EYA1: variants seen among roughly 807,000 people sequenced by gnomAD.
EYA1 encodes the protein EYA transcriptional coactivator and phosphatase 1, also known as protein phosphatase EYA1.
Under a neutral mutation model 82.0 loss-of-function variants are expected in EYA1, and 16 were observed. The observed-to-expected ratio is 0.20, with a 90% CI of 0.13 to 0.30. The LOEUF (loss-of-function observed/expected upper bound fraction) is 0.30, where lower values mean the gene tolerates loss of function less well. Among genes scored for constraint, EYA1 ranks in the 10% least tolerant of loss-of-function variants. The probability of loss-of-function intolerance (pLI) is 1.00; values close to 1 mark genes in which losing one functional copy is unlikely to be tolerated. For missense variants in EYA1, 633 were observed against 730.7 expected (o/e 0.87, Z 1.54); for synonymous variants, 261 against 264.4 (o/e 0.99, Z 0.12).
chr8:71,317,050 T>C (rs1822000407), intron 7 of EYA1, among the ~76,000 whole-genome samples: 1 of 152,216 alleles, frequency 6.6e-6, no homozygotes, highest in African/African-American at 2.4e-5. Flanking sequence ...GTAAATCTGA[T>C]CAAGCTGTTC....
At chr8:71,295,099 G>C (rs1819457883) in intron 9 of EYA1, among the ~76,000 whole-genome samples, 1 of 152,180 alleles carries the variant, frequency 6.6e-6, no homozygotes, top group Non-Finnish European at 1.5e-5. Flanking sequence ...AAATGTGTCA[G>C]AGAACTAGAT....
At chr8:71,280,050 A>C (rs541077928) in intron 9 of EYA1, among the ~76,000 whole-genome samples, 2 of 152,294 alleles carry the variant, frequency 1.3e-5, no homozygotes, top group African/African-American at 4.8e-5. Context: ...AGAACTATAC[A>C]TCTTGTGAGT....
At chr8:71,234,416 T>C (rs1811585437) in intron 12 of EYA1, among the ~76,000 whole-genome samples, 1 of 152,156 alleles carries the variant, frequency 6.6e-6, no homozygotes, top group Non-Finnish European at 1.5e-5. Flanking sequence ...ATCTGGCTGA[T>C]GTCTTCCACT....
chr8:71,512,811 G>T (rs997925178), intron 2 of EYA1, among the ~76,000 whole-genome samples: 1 of 151,936 alleles, frequency 6.6e-6, no homozygotes, highest in Non-Finnish European at 1.5e-5. Context: ...GATTAATAAA[G>T]TTTTCTTAGT....
At chr8:71,246,572 A>G (rs1813122899) in intron 11 of EYA1, among the ~76,000 whole-genome samples, 1 of 152,176 alleles carries the variant, frequency 6.6e-6, no homozygotes, top group African/African-American at 2.4e-5. Context: ...GGAAGTGGCA[A>G]GAAGTGGTGA....
intron 2 of EYA1, among the ~76,000 whole-genome samples, chr8:71,494,810 C>T (rs114674009): frequency 0.01 from 1,535 of 151,942 alleles, 21 homozygotes; most frequent in African/African-American, 0.035. Context: ...CTGAATTAAC[C>T]ATGAGAAACA....
At chr8:71,362,455 A>AC (rs1827491483), upstream of EYA1, among the ~76,000 whole-genome samples, 1 of 151,704 alleles carries the variant, frequency 6.6e-6, no homozygotes, top group South Asian at 2.1e-4. Context: ...CTTTTCCTAA[A>AC]CTTTTTTCAG....
intron 7 of EYA1, among the ~76,000 whole-genome samples, chr8:71,307,554 T>C (rs750648502): frequency 1.3e-5 from 2 of 152,188 alleles, no homozygotes; most frequent in Non-Finnish European, 2.9e-5. Flanking sequence ...TTAAATTATA[T>C]AAAGAAAGTT....
At chr8:71,288,541 C>T (rs976472580) in intron 9 of EYA1, among the ~76,000 whole-genome samples, 1 of 152,148 alleles carries the variant, frequency 6.6e-6, no homozygotes, top group Non-Finnish European at 1.5e-5. Context: ...TCTATACAGT[C>T]GATGCTAAAC....
chr8:71,378,681 T>C (rs1828518735), intron 2 of EYA1, among the ~76,000 whole-genome samples: 1 of 152,208 alleles, frequency 6.6e-6, no homozygotes, highest in South Asian at 2.1e-4. Flanking sequence ...GGTTTGAAGA[T>C]ATGTGAGGTA....
chr8:71,274,976 G>A (rs780610915), intron 9 of EYA1, among the ~76,000 whole-genome samples: 8 of 132,354 alleles, frequency 6.0e-5, no homozygotes, highest in Non-Finnish European at 1.2e-4. Flanking sequence ...GCGCGTGCGA[G>A]AGCGCATGTC....
At chr8:71,256,618 T>C (rs993173590) in intron 11 of EYA1, among the ~76,000 whole-genome samples, 1 of 152,224 alleles carries the variant, frequency 6.6e-6, no homozygotes, top group Non-Finnish European at 1.5e-5. Flanking sequence ...AGATTGGTTT[T>C]ACAACAATGT....
intron 7 of EYA1, among the ~76,000 whole-genome samples, chr8:71,309,890 A>G (rs1466005997): frequency 6.6e-6 from 1 of 152,212 alleles, no homozygotes; most frequent in African/African-American, 2.4e-5. Flanking sequence ...TTAGCAGAAC[A>G]AACAACATTA....
chr8:71,298,707 C>A lies in EYA1; in HGVS notation c.826+340G>T, dbSNP rs527385318. Among the ~76,000 whole-genome samples, 5 of 152,160 alleles carry A rather than the reference C, an allele frequency of 3.3e-5. No individual in the cohort carries two copies. The South Asian group carries it at 1.0e-3, about 32-fold the overall frequency. ...GATAAATGCCAAATTCTAGGCATTG[C>A]CATTTTATGCTCTATATGTGGTGCC... On this transcript the variant is annotated intron_variant, in intron 9 of 17. Transcript: ENST00000340726.
At chr8:71,520,017 T>C (rs960921595) in intron 2 of EYA1, among the ~76,000 whole-genome samples, 1 of 152,180 alleles carries the variant, frequency 6.6e-6, no homozygotes, top group Admixed American at 6.5e-5. Context: ...TAATGTTGAA[T>C]TAAATATTTT....
chr8:71,407,378 G>A (rs1368171028), intron 2 of EYA1, among the ~76,000 whole-genome samples: 1 of 142,092 alleles, frequency 7.0e-6, no homozygotes, highest in African/African-American at 2.6e-5. Context: ...GATGGAGAAT[G>A]ACTTTGACGA....
At chr8:71,398,278 G>A (rs765033673) in intron 2 of EYA1, among the ~76,000 whole-genome samples, 15 of 152,238 alleles carry the variant, frequency 9.9e-5, no homozygotes, top group East Asian at 7.7e-4. Flanking sequence ...CTTATTGTCC[G>A]AAGCCTTCTT....
chr8:71,521,621 T>C (rs920773020), intron 2 of EYA1, among the ~76,000 whole-genome samples: 2 of 152,158 alleles, frequency 1.3e-5, no homozygotes, highest in African/African-American at 4.8e-5. Context: ...AAACTTTAAA[T>C]GGTGAAACAG....
intron 2 of EYA1, among the ~76,000 whole-genome samples, chr8:71,462,087 C>T (rs1195493669): frequency 6.6e-6 from 1 of 152,100 alleles, no homozygotes; most frequent in Non-Finnish European, 1.5e-5. Flanking sequence ...GCCTAGCCCT[C>T]AGCCTTCAGG....
Sources: gnomAD v4.1 joint callset for allele counts (sites outside exome capture counted in the v4.1 genomes callset) on GRCh38, gnomAD v4.1.1 for gene constraint, MANE v1.5 for transcripts, NCBI Gene and HGNC (gene_info 2026-07-23, HGNC 2026-07-21) for gene names.